Variants in BRINP3 observed in about 807,000 individuals in gnomAD.
The protein encoded by BRINP3 is BMP/retinoic acid-inducible neural-specific protein 3.
In BRINP3, 19 loss-of-function variants were observed where a neutral mutation model predicts 71.0. The observed-to-expected ratio is 0.27, with a 90% CI of 0.19 to 0.39. BRINP3 has a LOEUF of 0.39. Among genes scored for constraint, BRINP3 ranks in the 10% least tolerant of loss-of-function variants. The probability of loss-of-function intolerance (pLI) is 1.00; values close to 1 mark genes in which losing one functional copy is unlikely to be tolerated. For missense variants in BRINP3, 959 were observed against 940.8 expected (o/e 1.02, Z -0.25); for synonymous variants, 380 against 337.7 (o/e 1.13, Z -1.37).
intron 6 of BRINP3, among the ~76,000 whole-genome samples, chr1:190,173,201 C>T (rs1156662820): frequency 1.3e-5 from 2 of 152,178 alleles, no homozygotes; most frequent in East Asian, 3.9e-4. Flanking sequence ...AACCGGAACA[C>T]TGATTCTGTT....
At chr1:190,210,345 CAA>C (rs1019149430) in intron 6 of BRINP3, among the ~76,000 whole-genome samples, 4 of 151,962 alleles carry the variant, frequency 2.6e-5, no homozygotes, top group South Asian at 2.1e-4. Flanking sequence ...AAAAAGCAAA[CAA>C]AAAAGTTATC....
At chr1:190,240,520 C>G (rs554941759) in intron 4 of BRINP3, among the ~76,000 whole-genome samples, 3 of 152,056 alleles carry the variant, frequency 2.0e-5, no homozygotes, top group Admixed American at 1.3e-4. Flanking sequence ...ACTGTTTCCC[C>G]AGAGTTAAAA....
intron 2 of BRINP3, among the ~76,000 whole-genome samples, chr1:190,346,926 C>T (rs557154940): frequency 6.6e-6 from 1 of 152,094 alleles, no homozygotes; most frequent in Non-Finnish European, 1.5e-5. Flanking sequence ...TATGGTTGTT[C>T]TCTTAGTAAC....
intron 2 of BRINP3, among the ~76,000 whole-genome samples, chr1:190,290,985 AGAGAG>A (rs751593941): frequency 4.6e-5 from 7 of 151,768 alleles, no homozygotes; most frequent in Non-Finnish European, 7.4e-5. Context: ...GTATAGAGAG[AGAGAG>A]GAAAGAGAAG....
At position 190,277,488 on chromosome 1, in the gene BRINP3, C is replaced by T. The variant is rs569770108; in HGVS notation, c.427+4072G>A. Among the ~76,000 whole-genome samples the T allele has an allele frequency of 4.0e-5, 6 of 151,674 alleles. No individual in the cohort carries two copies. The South Asian group carries it at 1.0e-3, about 26-fold the overall frequency. On this transcript the variant is annotated intron_variant, in intron 3 of 7. Coordinates refer to ENST00000367462, the MANE Select transcript of BRINP3 (RefSeq NM_199051.3). The stretch of plus-strand genomic sequence containing the variant: ...AATTTCTATAAATATTTTGTTATAA[C>T]ATTTAATACATTTTTAATGAATATT...
rs759832487 is a variant in BRINP3, at chr1:190,160,663, C to T, written c.1184+5G>A. ...TAATTGCTTACATTACCACAAATGTCTTACCTTTGTCTTGGCAGGCTGATG... is the reference window on the plus strand; with the variant it reads ...TAATTGCTTACATTACCACAAATGTTTTACCTTTGTCTTGGCAGGCTGATG... On this transcript the variant is annotated splice_donor_5th_base_variant and intron_variant, in intron 7 of 7. Transcript: ENST00000367462. 3.1e-6 allele frequency: 5 copies of T among 1,609,284 alleles called. No homozygotes were observed. The highest frequency in any genetic ancestry group is 1.7e-4 in the Middle Eastern group (1 of 6,020).
intron 6 of BRINP3, among the ~76,000 whole-genome samples, chr1:190,197,644 CA>C (rs974925501): frequency 1.3e-5 from 2 of 152,184 alleles, no homozygotes; most frequent in Non-Finnish European, 2.9e-5. Flanking sequence ...CCATGTCTCA[CA>C]TCCAGGTCAC....
At chr1:190,263,558 T>C (rs1251429957) in intron 4 of BRINP3, among the ~76,000 whole-genome samples, 1 of 151,586 alleles carries the variant, frequency 6.6e-6, no homozygotes, top group Non-Finnish European at 1.5e-5. Flanking sequence ...AACCCATTTA[T>C]GGATTTAAGT....
chr1:190,443,094 G>GTATTTTGTATTT (rs1674944236), intron 2 of BRINP3, among the ~76,000 whole-genome samples: 1 of 151,406 alleles, frequency 6.6e-6, no homozygotes, highest in Non-Finnish European at 1.5e-5. Context: ...TGTATTTTTA[G>GTATTTTGTATTT]TAGAGATGGG....
intron 2 of BRINP3, among the ~76,000 whole-genome samples, chr1:190,433,286 C>G (rs1353771919): frequency 6.6e-6 from 1 of 152,170 alleles, no homozygotes; most frequent in Admixed American, 6.5e-5. Flanking sequence ...CAATTATACT[C>G]TGATTATAAA....
chr1:190,256,582 C>T (rs188268653), intron 4 of BRINP3, among the ~76,000 whole-genome samples: 41 of 152,212 alleles, frequency 2.7e-4, no homozygotes, highest in Middle Eastern at 3.4e-3. Flanking sequence ...TTCCTAGCAT[C>T]GATGGTCTTT....
intron 2 of BRINP3, among the ~76,000 whole-genome samples, chr1:190,450,186 G>A (rs1675512339): frequency 6.6e-6 from 1 of 152,084 alleles, no homozygotes; most frequent in African/African-American, 2.4e-5. Context: ...AGAGGGAGCT[G>A]CGAAGTTGCT....
chr1:190,424,312 A>C (rs1050382659), intron 2 of BRINP3, among the ~76,000 whole-genome samples: 2 of 151,642 alleles, frequency 1.3e-5, no homozygotes, highest in African/African-American at 4.8e-5. Flanking sequence ...CCAATCATTC[A>C]TAATCATAAG....
intron 2 of BRINP3, among the ~76,000 whole-genome samples, chr1:190,312,101 T>TA (rs1665576298): frequency 7.1e-6 from 1 of 140,706 alleles, no homozygotes; most frequent in Non-Finnish European, 1.5e-5. Context: ...ACCTTGTAGA[T>TA]AAAAACATTT....
chr1:190,470,171 C>T (rs1677035463), intron 1 of BRINP3, among the ~76,000 whole-genome samples: 1 of 150,696 alleles, frequency 6.6e-6, no homozygotes, highest in Non-Finnish European at 1.5e-5. Context: ...TTAACAAATG[C>T]AACAGTCCAG....
chr1:190,456,025 G>T (rs1257426549), intron 1 of BRINP3, among the ~76,000 whole-genome samples: 3 of 152,060 alleles, frequency 2.0e-5, no homozygotes, highest in Admixed American at 1.3e-4. Flanking sequence ...AATGAGAAAG[G>T]TTTACTTGCA....
chr1:190,280,778 A>G (rs1662975444), intron 3 of BRINP3, among the ~76,000 whole-genome samples: 1 of 151,956 alleles, frequency 6.6e-6, no homozygotes, highest in Non-Finnish European at 1.5e-5. Flanking sequence ...AAGAAAAAGT[A>G]ACATCTATTT....
At chr1:190,410,104 T>C (rs1183699183) in intron 2 of BRINP3, among the ~76,000 whole-genome samples, 2 of 152,130 alleles carry the variant, frequency 1.3e-5, no homozygotes, top group Non-Finnish European at 2.9e-5. Context: ...CCTTCAGATT[T>C]CTGTAGCTGT....
intron 7 of BRINP3, among the ~76,000 whole-genome samples, chr1:190,114,068 G>A (rs1652917909): frequency 6.6e-6 from 1 of 152,154 alleles, no homozygotes; most frequent in Non-Finnish European, 1.5e-5. Flanking sequence ...TGTTAGGGTT[G>A]GGGCCTGGGG....
Sources: allele counts gnomAD v4.1 joint callset (sites outside exome capture counted in the v4.1 genomes callset), GRCh38; gene constraint gnomAD v4.1.1; transcripts MANE v1.5; gene names NCBI Gene and HGNC (gene_info 2026-07-23, HGNC 2026-07-21).